The following LRP1B variants were observed in gnomAD, a reference collection of about 807,000 sequenced individuals.
LRP1B encodes the protein LDL receptor related protein 1B, also known as low-density lipoprotein receptor-related protein 1B.
A neutral mutation model predicts 556.6 loss-of-function variants in LRP1B; 217 were observed. The ratio of observed to expected loss-of-function variants is 0.39; its 90% CI spans 0.35 to 0.44. The LOEUF (loss-of-function observed/expected upper bound fraction) is 0.44. Ranked by LOEUF, LRP1B falls within the 20% of genes least tolerant of loss-of-function variation. The probability of loss-of-function intolerance (pLI) is 1.00; values close to 1 mark genes in which losing one functional copy is unlikely to be tolerated. For synonymous variants in LRP1B, 2,047 were observed against 1,865.8 expected, an observed-to-expected ratio of 1.10 and a Z score of -2.50; for missense variants, 5,053 against 5,620.8, an observed-to-expected ratio of 0.90 and a Z score of 3.23.
At chr2:141,580,947 C>T (rs551546132) in intron 2 of LRP1B, among the ~76,000 whole-genome samples, 2 of 152,268 alleles carry the variant, frequency 1.3e-5, no homozygotes, top group South Asian at 4.1e-4. Flanking sequence ...TCAGATCTGA[C>T]TGTTTATATT....
At chr2:140,355,554 T>A (rs906319628) in intron 75 of LRP1B, among the ~76,000 whole-genome samples, 5 of 151,996 alleles carry the variant, frequency 3.3e-5, no homozygotes, top group Non-Finnish European at 5.9e-5. Flanking sequence ...AGAATCATTT[T>A]TCTTAACCTC....
At chr2:140,242,224 A>T (rs1186674193) in intron 87 of LRP1B, among the ~76,000 whole-genome samples, 3 of 151,158 alleles carry the variant, frequency 2.0e-5, no homozygotes, top group Non-Finnish European at 4.4e-5. Context: ...CATCATTAAT[A>T]GTTATCATAC....
At chr2:141,496,585 A>G (rs1212226234) in intron 2 of LRP1B, among the ~76,000 whole-genome samples, 1 of 152,092 alleles carries the variant, frequency 6.6e-6, no homozygotes, top group Non-Finnish European at 1.5e-5. Context: ...AAGAACATGC[A>G]CACTTAGTTT....
At chr2:141,782,514 C>CTTT (rs5834867) in intron 2 of LRP1B, among the ~76,000 whole-genome samples, 1,051 of 97,822 alleles carry the variant, frequency 0.011, 44 homozygotes, top group African/African-American at 0.02. Flanking sequence ...TTCTATTTTC[C>CTTT]TTTTTTTTTT....
chr2:140,283,374 T>C (rs1682997085), intron 84 of LRP1B, among the ~76,000 whole-genome samples: 1 of 151,760 alleles, frequency 6.6e-6, no homozygotes, highest in Non-Finnish European at 1.5e-5. Flanking sequence ...AATCCAGGTA[T>C]GCCAATTAAA....
intron 77 of LRP1B, among the ~76,000 whole-genome samples, chr2:140,343,011 T>TG (rs200650523): frequency 0.018 from 2,651 of 151,462 alleles, 87 homozygotes; most frequent in African/African-American, 0.061. Flanking sequence ...GGAATTTTTT[T>TG]TGTGTGTGGG....
chr2:141,989,491 T>A (rs1274291367), intron 1 of LRP1B, among the ~76,000 whole-genome samples: 4 of 152,006 alleles, frequency 2.6e-5, no homozygotes, highest in Non-Finnish European at 5.9e-5. Flanking sequence ...TATATGTCAG[T>A]TTTTCTATTT....
chr2:141,097,845 T>C (rs950407165), intron 7 of LRP1B, among the ~76,000 whole-genome samples: 4 of 152,226 alleles, frequency 2.6e-5, no homozygotes, highest in Admixed American at 2.0e-4. Flanking sequence ...ATGTATTATA[T>C]GAGGAATGTT....
intron 7 of LRP1B, among the ~76,000 whole-genome samples, chr2:141,161,261 G>C (rs1236333485): frequency 2.0e-5 from 3 of 152,042 alleles, no homozygotes; most frequent in Non-Finnish European, 4.4e-5. Context: ...ACTGCTCATA[G>C]TATACAGAAG....
intron 66 of LRP1B, among the ~76,000 whole-genome samples, chr2:140,410,735 T>C (rs1684938498): frequency 6.6e-6 from 1 of 152,168 alleles, no homozygotes; most frequent in Non-Finnish European, 1.5e-5. Context: ...TATAAATGCA[T>C]TACTACAAAC....
rs1364666467 is a variant in LRP1B at position 142,062,925 on chromosome 2, A to G, written c.82+67723T>C. Among the ~76,000 whole-genome samples, 5 of 151,666 alleles carry G rather than the reference A, an allele frequency of 3.3e-5. No individual in the cohort carries two copies. In the East Asian group the frequency reaches 5.8e-4, roughly 18 times the overall value. On this transcript the variant is annotated intron_variant, in intron 1 of 90. Coordinates refer to ENST00000389484, the MANE Select transcript of LRP1B (RefSeq NM_018557.3). The stretch of plus-strand genomic sequence containing the variant: ...TCCAAACCTAAAGTCATTATGTTCA[A>G]TAAGTATTGGAAAGTATTAGCTCTA...
chr2:141,479,372 A>G lies in LRP1B; in HGVS notation c.343+1024T>C, dbSNP rs1186209914. The stretch of plus-strand genomic sequence containing the variant: ...CTTTGAGCACTTTAAACGTATACAT[A>G]TTTGGAGCTCCTCCCGAACAACTGG... On this transcript the variant is annotated intron_variant, in intron 3 of 90. Transcript: ENST00000389484. Among the ~76,000 whole-genome samples, 3 of 152,144 alleles carry G rather than the reference A, an allele frequency of 2.0e-5. 1 individual carries two copies. In the East Asian group the frequency reaches 5.8e-4, roughly 29 times the overall value.
chr2:140,804,837 C>A (rs1359773926), intron 32 of LRP1B, among the ~76,000 whole-genome samples: 1 of 151,898 alleles, frequency 6.6e-6, no homozygotes, highest in Admixed American at 6.6e-5. Context: ...CATTCTCTGA[C>A]ATGCAGATGG....
chr2:141,489,308 T>C (rs1683247068), intron 2 of LRP1B, among the ~76,000 whole-genome samples: 1 of 151,966 alleles, frequency 6.6e-6, no homozygotes, highest in South Asian at 2.1e-4. Context: ...AAGAATGCTT[T>C]TCACACACAG....
rs185686087 is a variant in LRP1B, at chr2:141,055,985, A to C, written c.1409-726T>G. On this transcript the variant is annotated intron_variant, in intron 9 of 90. Coordinates refer to ENST00000389484, the MANE Select transcript of LRP1B (RefSeq NM_018557.3). ...AGAAAGATGGATCAAAGTGAAAAGA[A>C]ATAATAGGAATAATATAAGTAAGAT... 2.2e-3 allele frequency among the ~76,000 whole-genome samples: 331 copies of C among 151,852 alleles called. 1 individual carries two copies. Among genetic ancestry groups the C allele is most frequent in the African/African-American group, 7.5e-3 (310 of 41,506 alleles).
chr2:141,903,026 C>T, intron 1 of LRP1B, among the ~76,000 whole-genome samples: 1 of 151,860 alleles, frequency 6.6e-6, no homozygotes, highest in East Asian at 1.9e-4. Flanking sequence ...CATGCATCTG[C>T]TGACTCTTCC....
intron 5 of LRP1B, among the ~76,000 whole-genome samples, chr2:141,238,971 T>C (rs1455250531): frequency 6.6e-6 from 1 of 152,066 alleles, no homozygotes; most frequent in East Asian, 1.9e-4. Flanking sequence ...TAACTGGTGA[T>C]AAAAACTGGG....
rs749250253 is a variant in LRP1B, at chr2:141,058,888, G to T, written c.1403C>A (p.Pro468Gln). 6.3e-7 allele frequency: 1 copy of T among 1,585,752 alleles called. No homozygotes were observed. Among genetic ancestry groups the T allele is most frequent in the Admixed American group, 1.8e-5 (1 of 55,318 alleles). The stretch of plus-strand genomic sequence containing the variant: ...AAAGAAGCTTTCCCACTTACCTGTT[G>T]GTTGAGTTCTTTTTTGATAAATTCG... ...GIRIYQKRTQPTVRSHACEVD... is the reference protein window; with the variant it reads ...GIRIYQKRTQQTVRSHACEVD... The change falls in exon 9 of 91, where the codon CCA becomes CAA. Residue 468 changes from proline to glutamine, a missense_variant. Around this residue, in one of 5 missense-constraint regions of LRP1B, gnomAD observed 3,619 missense variants for 3,931.9 expected, o/e 0.92. Transcript: ENST00000389484.
intron 3 of LRP1B, among the ~76,000 whole-genome samples, chr2:141,294,864 G>T (rs535351432): frequency 1.3e-5 from 2 of 150,976 alleles, no homozygotes; most frequent in South Asian, 4.2e-4. Context: ...CATAATTTTT[G>T]TTCTCAATGA....
Sources: allele counts gnomAD v4.1 joint callset (sites outside exome capture counted in the v4.1 genomes callset), GRCh38; gene constraint gnomAD v4.1.1; regional missense constraint gnomAD v4.1.1; transcripts MANE v1.5; gene names NCBI Gene and HGNC (gene_info 2026-07-23, HGNC 2026-07-21).